COL22A1: variants seen among roughly 807,000 people sequenced by gnomAD.
COL22A1 encodes collagen alpha-1(XXII) chain.
COL22A1 carries 221 observed loss-of-function variants against 248.9 expected under a neutral mutation model. The ratio of observed to expected loss-of-function variants is 0.89; its 90% CI spans 0.80 to 0.99. The LOEUF (loss-of-function observed/expected upper bound fraction) is 0.99. Among genes scored for constraint, COL22A1 ranks in the 50% least tolerant of loss-of-function variants. COL22A1 has a pLI of 0.00. For missense variants in COL22A1, 2,240 were observed against 2,179.0 expected (o/e 1.03, Z -0.56); for synonymous variants, 891 against 793.4 (o/e 1.12, Z -2.07).
At position 138,725,398 on chromosome 8, in the gene COL22A1, C is replaced by T. The variant is rs771986601; in HGVS notation, c.2182G>A (p.Gly728Arg). 1 of 1,614,128 alleles carries T rather than the reference C, an allele frequency of 6.2e-7. No homozygotes were observed. The highest frequency in any genetic ancestry group is 8.5e-7 in the Non-Finnish European group (1 of 1,180,040). ...AAAGCCAGTCTTACCGGAGAACCTC[C>T]CGGTCCAGGGGGGCCTGGGACACCA... ...PPGVPGPPGP[G>R]GSPGLPGEIG... The change falls in exon 24 of 65, where the codon GGA (glycine) becomes AGA (arginine). Residue 728 changes from glycine to arginine, a missense_variant. By Grantham distance (125) the Gly-to-Arg change is moderately radical. Coordinates refer to ENST00000303045, the MANE Select transcript of COL22A1 (RefSeq NM_152888.3).
At chr8:138,736,129 C>T (rs1831091958) in intron 23 of COL22A1, among the ~76,000 whole-genome samples, 1 of 152,048 alleles carries the variant, frequency 6.6e-6, no homozygotes, top group African/African-American at 2.4e-5. Context: ...CTCATAGTCA[C>T]TGCTCTTCTC....
At chr8:138,849,142 G>T (rs1055445151) in intron 3 of COL22A1, among the ~76,000 whole-genome samples, 2 of 152,268 alleles carry the variant, frequency 1.3e-5, no homozygotes, top group African/African-American at 4.8e-5. Flanking sequence ...AGACACAAGG[G>T]CCCAAGGATC....
At chr8:138,831,157 G>A (rs1451225077) in intron 5 of COL22A1, among the ~76,000 whole-genome samples, 1 of 152,178 alleles carries the variant, frequency 6.6e-6, no homozygotes, top group African/African-American at 2.4e-5. Flanking sequence ...AGTGCCTGGT[G>A]TGTGGCTGGC....
Position 138,713,001 on chromosome 8 carries a change from C to G in COL22A1, c.2517+2681G>C, listed in dbSNP as rs138819030. Among the ~76,000 whole-genome samples the G allele has an allele frequency of 1.1e-4, 16 of 152,262 alleles. No individual in the cohort carries two copies. The East Asian group carries it at 3.1e-3, about 29-fold the overall frequency. On this transcript the variant is annotated intron_variant, in intron 30 of 64. Transcript: ENST00000303045. ...CGTATCTTTGGTGAAAGGGTAAGAA[C>G]TAGAAGCACAAGTTAGAATCTAGTA... is the stretch of plus-strand genomic sequence containing the variant.
At chr8:138,810,190 A>G (rs1818089831) in intron 9 of COL22A1, among the ~76,000 whole-genome samples, 1 of 152,154 alleles carries the variant, frequency 6.6e-6, no homozygotes, top group Non-Finnish European at 1.5e-5. Context: ...GGAAGAGGGA[A>G]ATGACACAGA....
In COL22A1 at chr8:138,684,419, A is replaced by T. The variant is rs1273290258; in HGVS notation, c.3012+6T>A. On this transcript the variant is annotated splice_donor_region_variant and intron_variant, in intron 39 of 64. Coordinates refer to ENST00000303045, the MANE Select transcript of COL22A1 (RefSeq NM_152888.3). ...GCACCCACAGTTTTCTTGGACAAGCACTCACCTTGGTTCCTAGGGGTCCAG... is the reference window on the plus strand; with the variant it reads ...GCACCCACAGTTTTCTTGGACAAGCTCTCACCTTGGTTCCTAGGGGTCCAG... 3 of 1,604,744 alleles carry T rather than the reference A, an allele frequency of 1.9e-6. No individual in the cohort carries two copies. The highest frequency in any genetic ancestry group is 1.7e-6 in the Non-Finnish European group (2 of 1,171,538).
chr8:138,788,831 AGC>A (rs1430000603), intron 12 of COL22A1, among the ~76,000 whole-genome samples: 19 of 152,234 alleles, frequency 1.2e-4, no homozygotes, highest in African/African-American at 4.6e-4. Context: ...TATTTTCATT[AGC>A]TCATTTAATC....
chr8:138,846,084 T>C (rs976448868), intron 3 of COL22A1, among the ~76,000 whole-genome samples: 1 of 152,180 alleles, frequency 6.6e-6, no homozygotes, highest in African/African-American at 2.4e-5. Context: ...ACAAGCATCA[T>C]GGAAGGGGTT....
At chr8:138,675,192 G>A (rs1035677020) in intron 41 of COL22A1, among the ~76,000 whole-genome samples, 4 of 152,172 alleles carry the variant, frequency 2.6e-5, no homozygotes, top group African/African-American at 9.7e-5. Context: ...TGGAAGCCAG[G>A]AGGCCTGCTC....
At chr8:138,819,006 C>T (rs908682652) in intron 7 of COL22A1, among the ~76,000 whole-genome samples, 6 of 152,122 alleles carry the variant, frequency 3.9e-5, no homozygotes, top group Non-Finnish European at 5.9e-5. Context: ...GCAGTTTGCA[C>T]GTGTCTGTCC....
chr8:138,897,927 G>C (rs1164828214), intron 1 of COL22A1, among the ~76,000 whole-genome samples: 1 of 152,100 alleles, frequency 6.6e-6, no homozygotes, highest in East Asian at 1.9e-4. Flanking sequence ...GGAAGCACAA[G>C]ATCAAGGCAC....
intron 56 of COL22A1, 124 bp from the exon 57 acceptor site, chr8:138,608,113 C>T (rs1339544835): frequency 2.8e-6 from 2 of 713,934 alleles, no homozygotes; most frequent in East Asian, 2.8e-5. Context: ...GCCAGTGTGG[C>T]TCTCAGTCTA....
At chr8:138,858,422 C>T (rs1487267626) in intron 3 of COL22A1, among the ~76,000 whole-genome samples, 1 of 151,718 alleles carries the variant, frequency 6.6e-6, no homozygotes, top group Non-Finnish European at 1.5e-5. Flanking sequence ...GCTTTATCAC[C>T]CAGGCTGGAG....
rs973069791 is a variant in COL22A1, at chr8:138,734,433, G to A, written c.2139+3091C>T. On this transcript the variant is annotated intron_variant, in intron 23 of 64. Coordinates refer to ENST00000303045, the MANE Select transcript of COL22A1 (RefSeq NM_152888.3). The stretch of plus-strand genomic sequence containing the variant: ...TGAATGAATAAGCAAATGCATGATA[G>A]TAAGCAGGAGAAAACAGAGGCCAGG... Among the ~76,000 whole-genome samples, 18 of 152,230 alleles carry A rather than the reference G, an allele frequency of 1.2e-4. No homozygotes were observed. The South Asian group carries it at 1.9e-3, about 16-fold the overall frequency.
chr8:138,606,592 G>A, intron 57 of COL22A1, 140 bp from the exon 58 acceptor site: 1 of 818,864 alleles, frequency 1.2e-6, no homozygotes, highest in Middle Eastern at 2.3e-4. Context: ...GGAGGGGCAT[G>A]GGTTAGGAAA....
At chr8:138,729,740 C>G (rs1244304613) in intron 23 of COL22A1, among the ~76,000 whole-genome samples, 1 of 152,202 alleles carries the variant, frequency 6.6e-6, no homozygotes, top group East Asian at 1.9e-4. Flanking sequence ...CTGCAGCCAA[C>G]CTACCCCAGA....
chr8:138,834,708 T>C (rs1395877594), intron 4 of COL22A1, among the ~76,000 whole-genome samples: 2 of 152,270 alleles, frequency 1.3e-5, no homozygotes, highest in Non-Finnish European at 2.9e-5. Context: ...AAGTTCTTCA[T>C]ACAGTACCTG....
In COL22A1 at chr8:138,676,458, GAAGA is replaced by G. The variant is rs796948272; in HGVS notation, c.3150+96_3150+99del. 269 of 155,650 alleles carry G rather than the reference GAAGA, an allele frequency of 1.7e-3. 3 individuals are homozygous for G. The highest frequency in any genetic ancestry group is 0.014 in the African/African-American group (238 of 17,054). 9.6% of individuals were successfully genotyped at this position (155,650 alleles called of 1,614,324 possible). A position where few individuals can be genotyped will look rare whatever the true frequency, so the allele number is the denominator to read the frequency against. On this transcript the variant is annotated intron_variant, in intron 41 of 64. Coordinates refer to ENST00000303045, the MANE Select transcript of COL22A1 (RefSeq NM_152888.3). ...GAAAGAAAGAAAGAAAGAAAGAAAG[GAAGA>G]AAGAAAGAAAGAAAAGAGTGTTTCT...
intron 1 of COL22A1, among the ~76,000 whole-genome samples, chr8:138,903,787 C>A (rs545373148): frequency 1.1e-4 from 16 of 152,166 alleles, no homozygotes; most frequent in Non-Finnish European, 2.1e-4. Context: ...GGCTTGGGCC[C>A]CACATCCCCC....
Sources: gnomAD v4.1 joint callset for allele counts (sites outside exome capture counted in the v4.1 genomes callset) on GRCh38, gnomAD v4.1.1 for gene constraint, MANE v1.5 for transcripts, NCBI Gene and HGNC (gene_info 2026-07-23, HGNC 2026-07-21) for gene names.